MARCHF1: variants seen among roughly 807,000 people sequenced by gnomAD.
MARCHF1 encodes the protein membrane associated ring-CH-type finger 1, also known as E3 ubiquitin-protein ligase MARCHF1.
A neutral mutation model predicts 54.2 loss-of-function variants in MARCHF1; 40 were observed. That is an observed-to-expected ratio of 0.74 (90% CI 0.57 to 0.96). The LOEUF (loss-of-function observed/expected upper bound fraction) is 0.96. Ranked by LOEUF, MARCHF1 falls within the 40% of genes least tolerant of loss-of-function variation. The pLI, the probability that MARCHF1 is intolerant of heterozygous loss-of-function variation, is 0.00. For synonymous variants in MARCHF1, 236 were observed against 236.3 expected, an observed-to-expected ratio of 1.00 and a Z score of 0.01; for missense variants, 586 against 656.5, an observed-to-expected ratio of 0.89 and a Z score of 1.17.
intron 4 of MARCHF1, among the ~76,000 whole-genome samples, chr4:163,813,534 T>C (rs539387806): frequency 3.3e-5 from 5 of 152,298 alleles, no homozygotes; most frequent in Admixed American, 1.3e-4. Context: ...CTGTCATCAA[T>C]TGTATTTAAG....
intron 1 of MARCHF1, chr4:164,189,153 C>T: frequency 3.4e-6 from 2 of 596,416 alleles, no homozygotes; most frequent in Non-Finnish European, 6.1e-6. Context: ...AAGACTATGA[C>T]TAGCGTGTCA....
chr4:164,183,119 A>G (rs1475575496), intron 1 of MARCHF1, among the ~76,000 whole-genome samples: 2 of 152,020 alleles, frequency 1.3e-5, no homozygotes, highest in Non-Finnish European at 2.9e-5. Flanking sequence ...TAATTGTTTG[A>G]TCACTAAATT....
intron 1 of MARCHF1, among the ~76,000 whole-genome samples, chr4:164,371,726 A>G (rs957233611): frequency 6.6e-6 from 1 of 152,214 alleles, no homozygotes; most frequent in Admixed American, 6.5e-5. Flanking sequence ...TACGTTATAC[A>G]TTGCTGACGG....
chr4:164,312,729 T>C (rs1734892265), intron 1 of MARCHF1, among the ~76,000 whole-genome samples: 2 of 151,958 alleles, frequency 1.3e-5, no homozygotes, highest in South Asian at 4.1e-4. Context: ...CAGTGTTTCT[T>C]CATGTGGAAG....
Position 163,928,211 on chromosome 4 carries a change from T to G in MARCHF1, c.-39+60290A>C, listed in dbSNP as rs556041249. On this transcript the variant is annotated intron_variant, in intron 3 of 9. Coordinates refer to ENST00000514618, the MANE Select transcript of MARCHF1 (RefSeq NM_001394959.1). ...TTTTTTCACTGATTTACTCTTTCTA[T>G]TCATAAATATTTACTTAGTATTATC... is the stretch of plus-strand genomic sequence containing the variant. Among the ~76,000 whole-genome samples the G allele has an allele frequency of 7.2e-5, 11 of 152,034 alleles. 1 individual carries two copies. The highest frequency in any genetic ancestry group is 3.3e-4 in the Admixed American group (5 of 15,214).
At chr4:163,703,601 T>G (rs575738221) in intron 4 of MARCHF1, among the ~76,000 whole-genome samples, 59 of 152,242 alleles carry the variant, frequency 3.9e-4, no homozygotes, top group African/African-American at 1.2e-3. Flanking sequence ...GCACCCAAAT[T>G]ATAGTGACCT....
Position 163,603,289 on chromosome 4 carries a change from C to T in MARCHF1, c.1010+8982G>A, listed in dbSNP as rs1741031677. ...TAAATTTCAGGTTCATCTGAAGATA[C>T]ACATACGAAACTGGGAAAACAGAAA... is the stretch of plus-strand genomic sequence containing the variant. On this transcript the variant is annotated intron_variant, in intron 7 of 9. Coordinates refer to ENST00000514618, the MANE Select transcript of MARCHF1 (RefSeq NM_001394959.1). Among the ~76,000 whole-genome samples the T allele has an allele frequency of 2.6e-5, 4 of 151,258 alleles. No homozygotes were observed. The Admixed American group carries it at 2.6e-4, about 10-fold the overall frequency.
chr4:164,305,509 A>T (rs1734673038), intron 1 of MARCHF1, among the ~76,000 whole-genome samples: 1 of 152,122 alleles, frequency 6.6e-6, no homozygotes, highest in Non-Finnish European at 1.5e-5. Flanking sequence ...CCAAATAAGG[A>T]GATTGAGAGT....
intron 3 of MARCHF1, among the ~76,000 whole-genome samples, chr4:163,984,947 G>T (rs987557608): frequency 1.3e-5 from 2 of 152,062 alleles, no homozygotes; most frequent in African/African-American, 2.4e-5. Context: ...TTCTCCCAAA[G>T]CTTTCCCGAG....
chr4:164,326,285 C>T (rs1054939357), intron 1 of MARCHF1, among the ~76,000 whole-genome samples: 28 of 152,248 alleles, frequency 1.8e-4, no homozygotes, highest in African/African-American at 6.0e-4. Context: ...CAATGAGATG[C>T]AAAATGACTA....
intron 1 of MARCHF1, among the ~76,000 whole-genome samples, chr4:164,122,947 A>T (rs1039539063): frequency 6.6e-6 from 1 of 152,152 alleles, no homozygotes; most frequent in East Asian, 1.9e-4. Context: ...TCAGACAAGA[A>T]AGCAATTCAA....
intron 2 of MARCHF1, among the ~76,000 whole-genome samples, chr4:164,036,135 A>C (rs963670701): frequency 2.6e-5 from 4 of 151,422 alleles, no homozygotes; most frequent in Non-Finnish European, 5.9e-5. Flanking sequence ...AAAAAACAAA[A>C]AAAAAAACAA....
At chr4:164,052,943 A>T (rs1754405047) in intron 2 of MARCHF1, among the ~76,000 whole-genome samples, 1 of 152,156 alleles carries the variant, frequency 6.6e-6, no homozygotes, top group Non-Finnish European at 1.5e-5. Flanking sequence ...TGGTGTTTAC[A>T]TCCAGATGGC....
At chr4:164,173,286 G>T (rs184742494) in intron 1 of MARCHF1, among the ~76,000 whole-genome samples, 81 of 148,936 alleles carry the variant, frequency 5.4e-4, no homozygotes, top group African/African-American at 2.0e-3. Flanking sequence ...TTAACAATTG[G>T]TTATAATTTG....
At chr4:163,730,713 C>T (rs1347006646) in intron 4 of MARCHF1, among the ~76,000 whole-genome samples, 1 of 152,078 alleles carries the variant, frequency 6.6e-6, no homozygotes, top group Non-Finnish European at 1.5e-5. Flanking sequence ...CCTCTGTGTT[C>T]ATGATCAGCC....
intron 2 of MARCHF1, among the ~76,000 whole-genome samples, chr4:164,100,746 G>C (rs1171713248): frequency 2.6e-5 from 4 of 152,150 alleles, no homozygotes; most frequent in Non-Finnish European, 5.9e-5. Flanking sequence ...TAAGGAATAA[G>C]CTGGGGGAGG....
chr4:164,132,284 C>T (rs115692947), intron 1 of MARCHF1, among the ~76,000 whole-genome samples: 157 of 152,190 alleles, frequency 1.0e-3, no homozygotes, highest in African/African-American at 3.7e-3. Flanking sequence ...TTTAAACAAT[C>T]ACTTTTTTTG....
At chr4:163,614,488 T>A (rs1056824301) in intron 5 of MARCHF1, among the ~76,000 whole-genome samples, 5 of 151,994 alleles carry the variant, frequency 3.3e-5, no homozygotes, top group African/African-American at 9.7e-5. Flanking sequence ...AAATGCACAA[T>A]TTCGTCACCA....
At chr4:163,933,198 A>C in intron 3 of MARCHF1, 1 of 736,842 alleles carries the variant, frequency 1.4e-6, no homozygotes. Context: ...ACCTAACACT[A>C]TGGACCTCAG....
Sources: gnomAD v4.1 joint callset for allele counts (sites outside exome capture counted in the v4.1 genomes callset) on GRCh38, gnomAD v4.1.1 for gene constraint, MANE v1.5 for transcripts, NCBI Gene and HGNC (gene_info 2026-07-23, HGNC 2026-07-21) for gene names.